SLC38A10: variants seen among roughly 807,000 people sequenced by gnomAD.
The protein encoded by SLC38A10 is solute carrier family 38 member 10, also known as Sodium-coupled neutral amino acid transporter 10.
In SLC38A10, 53 loss-of-function variants were observed where a neutral mutation model predicts 81.0. The ratio of observed to expected loss-of-function variants is 0.65; its 90% confidence interval spans 0.53 to 0.82. The LOEUF (loss-of-function observed/expected upper bound fraction) is 0.82. SLC38A10 is among the 40% of genes least tolerant of loss of function. The pLI is 0.00. For missense variants in SLC38A10, 1,471 were observed against 1,545.0 expected, an observed-to-expected ratio of 0.95 and a Z score of 0.80; for synonymous variants, 665 against 655.3, an observed-to-expected ratio of 1.01 and a Z score of -0.23.
At chr17:81,261,087 G>A (rs539736352) in intron 10 of SLC38A10, among the ~76,000 whole-genome samples, 15 of 152,236 alleles carry the variant, frequency 9.9e-5, no homozygotes, top group Non-Finnish European at 1.8e-4. Context: ...CTGACCTCCA[G>A]GCACTCTTTG....
At chr17:81,291,766 G>A (rs567389459) in intron 1 of SLC38A10, among the ~76,000 whole-genome samples, 4 of 152,290 alleles carry the variant, frequency 2.6e-5, no homozygotes, top group Non-Finnish European at 4.4e-5. Context: ...AGGAGACACC[G>A]TAAATGCCTC....
At chr17:81,248,009 G>GT (rs2062870016) in intron 14 of SLC38A10, among the ~76,000 whole-genome samples, 2 of 129,220 alleles carry the variant, frequency 1.5e-5, no homozygotes, top group African/African-American at 5.9e-5. Flanking sequence ...CCAGGCTGGA[G>GT]TGCAGTGGCG....
chr17:81,251,050 A>C, intron 14 of SLC38A10: 1 of 1,440,856 alleles, frequency 6.9e-7, no homozygotes, highest in Non-Finnish European at 9.1e-7. Context: ...AGCCACCCCC[A>C]AACTGGGTCC....
rs369536281 is a variant in SLC38A10, at chr17:81,252,235, G to C, written c.1905C>G (p.Ala635=). 1 of 1,544,518 alleles carries C rather than the reference G, an allele frequency of 6.5e-7. No homozygotes were observed. The highest frequency in any genetic ancestry group is 1.2e-5 in the South Asian group (1 of 81,636). The part of the protein sequence containing the change: ...KAKGGPPPGN[A]AGDTGQPAED... ...CTGCGGGCTGCCCTGTGTCCCCGGC[G>C]GCGTTGCCTGGCGGCGGTCCCCCCT... is the stretch of plus-strand genomic sequence containing the variant. Residue 635 remains alanine (A), a synonymous_variant, in exon 13 of 16, where the codon GCC becomes GCG. Transcript: ENST00000374759.
At chr17:81,269,574 G>C (rs556346589) in intron 10 of SLC38A10, among the ~76,000 whole-genome samples, 2 of 152,178 alleles carry the variant, frequency 1.3e-5, no homozygotes, top group South Asian at 4.1e-4. Flanking sequence ...CCAGAATGCC[G>C]GAGGACCTTT....
chr17:81,282,057 T>C, intron 5 of SLC38A10, 132 bp downstream of exon 5: 2 of 1,325,240 alleles, frequency 1.5e-6, no homozygotes, highest in Non-Finnish European at 2.1e-6. Flanking sequence ...TGGTACATCC[T>C]GCTACTTCCA....
chr17:81,245,823 C>T lies in SLC38A10; in HGVS notation c.3093G>A (p.Arg1031=), dbSNP rs763351287. The T allele has an allele frequency of 1.2e-6, 2 of 1,610,616 alleles. No individual in the cohort carries two copies. Among genetic ancestry groups the T allele is most frequent in the African/African-American group, 1.3e-5 (1 of 75,030 alleles). ...GLKRAVPGGQ[R]PDNAKPNRDL... is the part of the protein sequence containing the mutation. ...CCCGGTTGGGCTTGGCATTGTCCGG[C>T]CTCTGGCCCCCCGGGACAGCTCGTT... The change falls in exon 16 of 16, where the codon AGG becomes AGA. Residue 1031 remains arginine (R), a synonymous_variant. Transcript: ENST00000374759.
At chr17:81,292,352 C>T (rs1230739612) in intron 1 of SLC38A10, among the ~76,000 whole-genome samples, 1 of 152,012 alleles carries the variant, frequency 6.6e-6, no homozygotes, top group Non-Finnish European at 1.5e-5. Context: ...GTCTTGAACT[C>T]CTGACCTCGT....
At chr17:81,284,221 G>A (rs1359155946) in intron 3 of SLC38A10, among the ~76,000 whole-genome samples, 1 of 152,018 alleles carries the variant, frequency 6.6e-6, no homozygotes, top group East Asian at 2.0e-4. Flanking sequence ...AGCTGGGCCT[G>A]GTGGCACGCG....
chr17:81,258,982 A>C (rs1019203821), intron 11 of SLC38A10, among the ~76,000 whole-genome samples: 2 of 152,176 alleles, frequency 1.3e-5, no homozygotes, highest in African/African-American at 4.8e-5. Context: ...CTTGGCAAAT[A>C]TGAGCACAGC....
intron 9 of SLC38A10, among the ~76,000 whole-genome samples, chr17:81,271,748 A>ATTTTTTT (rs756214430): frequency 1.7e-5 from 2 of 121,150 alleles, no homozygotes; most frequent in African/African-American, 3.2e-5. Flanking sequence ...AAGCTGACAG[A>ATTTTTTT]TTTTTTTTTT....
intron 14 of SLC38A10, among the ~76,000 whole-genome samples, chr17:81,250,265 C>A (rs1433880244): frequency 6.6e-6 from 1 of 152,234 alleles, no homozygotes; most frequent in African/African-American, 2.4e-5. Context: ...CCCACATGCC[C>A]GAACTCCTGA....
In SLC38A10 at chr17:81,260,402, G is replaced by C; in HGVS notation, c.1132-8C>G. On this transcript the variant is annotated splice_region_variant and splice_polypyrimidine_tract_variant and intron_variant, in intron 10 of 15. Coordinates refer to ENST00000374759, the MANE Select transcript of SLC38A10 (RefSeq NM_001037984.3). ...GCCGACCCACAGCACCACCTGAGGA[G>C]ACAAAGACCCCAGGGGCGGGAGTCA... The C allele has an allele frequency of 6.2e-7, 1 of 1,608,904 alleles. No homozygotes were observed. The highest frequency in any genetic ancestry group is 8.5e-7 in the Non-Finnish European group (1 of 1,177,958).
chr17:81,291,720 T>G (rs1051095786), intron 1 of SLC38A10, among the ~76,000 whole-genome samples: 2 of 152,168 alleles, frequency 1.3e-5, no homozygotes, highest in African/African-American at 4.8e-5. Flanking sequence ...TGCCAACGCC[T>G]GTCCAACTCC....
chr17:81,247,465 C>T (rs9906750), intron 14 of SLC38A10: 56 of 169,572 alleles, frequency 3.3e-4, no homozygotes, highest in African/African-American at 1.3e-3. Context: ...AGATGGTTAT[C>T]TGGGCTGGGT....
chr17:81,260,435 C>T (rs2063011788), intron 10 of SLC38A10, 41 bp from the exon 11 acceptor site: 3 of 1,580,310 alleles, frequency 1.9e-6, no homozygotes, highest in African/African-American at 1.3e-5. Flanking sequence ...TCACAGCTGG[C>T]CCCCGCCCCT....
chr17:81,257,840 G>A (rs372913190), intron 11 of SLC38A10, among the ~76,000 whole-genome samples: 4 of 152,250 alleles, frequency 2.6e-5, no homozygotes, highest in Admixed American at 6.5e-5. Context: ...CGAGGGGTGC[G>A]GGCCCTGCTG....
intron 10 of SLC38A10, among the ~76,000 whole-genome samples, chr17:81,266,547 A>G (rs2063071829): frequency 6.6e-6 from 1 of 150,950 alleles, no homozygotes; most frequent in South Asian, 2.1e-4. Flanking sequence ...TGAACCCAGG[A>G]GGAGGGGCTT....
At position 81,289,985 on chromosome 17, in the gene SLC38A10, G is replaced by A. The variant is rs1019425281; in HGVS notation, c.100-177C>T. Among the ~76,000 whole-genome samples the A allele has an allele frequency of 1.3e-5, 2 of 152,186 alleles. No homozygotes were observed. Among genetic ancestry groups the A allele is most frequent in the Admixed American group, 1.3e-4 (2 of 15,274 alleles). ...GGGCCATTTCCTTGCTGTGGTGGCCGCGCGCCTTGTCCAGGGATGAAGCTG... is the reference window on the plus strand; with the variant it reads ...GGGCCATTTCCTTGCTGTGGTGGCCACGCGCCTTGTCCAGGGATGAAGCTG... On this transcript the variant is annotated intron_variant, in intron 1 of 15. Coordinates refer to ENST00000374759, the MANE Select transcript of SLC38A10 (RefSeq NM_001037984.3). The surrounding 1 kb of genome is among the most constrained non-coding windows in gnomAD (Gnocchi z 5.9).
Sources: gnomAD v4.1 joint callset for allele counts (sites outside exome capture counted in the v4.1 genomes callset) on GRCh38, gnomAD v4.1.1 for gene constraint, Gnocchi (gnomAD v3.1) non-coding constraint, MANE v1.5 for transcripts, NCBI Gene and HGNC (gene_info 2026-07-23, HGNC 2026-07-21) for gene names.